The following L3MBTL4 variants were observed in gnomAD, a reference collection of about 807,000 sequenced individuals.
L3MBTL4 encodes L3MBTL histone methyl-lysine binding protein 4.
Under a neutral mutation model 84.5 loss-of-function variants are expected in L3MBTL4, and 70 were observed. The ratio of observed to expected loss-of-function variants is 0.83; its 90% CI spans 0.68 to 1.01. The LOEUF is 1.01. Ranked by LOEUF, L3MBTL4 falls within the 50% of genes least tolerant of loss-of-function variation. The pLI, the probability that L3MBTL4 is intolerant of heterozygous loss-of-function variation, is 0.00. For missense variants in L3MBTL4, 715 were observed against 754.8 expected (o/e 0.95, Z 0.62); for synonymous variants, 274 against 259.8 (o/e 1.05, Z -0.52).
At chr18:6,262,981 G>T (rs187038880) in intron 5 of L3MBTL4, among the ~76,000 whole-genome samples, 1 of 152,204 alleles carries the variant, frequency 6.6e-6, no homozygotes, top group Admixed American at 6.5e-5. Flanking sequence ...GTTTCCTGCT[G>T]TAAAGAAATG....
At chr18:6,392,582 A>T (rs2055102280) in intron 1 of L3MBTL4, among the ~76,000 whole-genome samples, 1 of 152,144 alleles carries the variant, frequency 6.6e-6, no homozygotes, top group South Asian at 2.1e-4. Context: ...GGGAAAACTG[A>T]ATAGCCACAT....
chr18:6,045,632 A>G (rs67864751), intron 16 of L3MBTL4, among the ~76,000 whole-genome samples: 3,857 of 152,272 alleles, frequency 0.025, 58 homozygotes, highest in Middle Eastern at 0.065. Flanking sequence ...ACAGCATAGG[A>G]AAGACCTGCC....
intron 5 of L3MBTL4, among the ~76,000 whole-genome samples, chr18:6,248,851 G>C (rs890953384): frequency 2.6e-5 from 4 of 152,104 alleles, no homozygotes; most frequent in Non-Finnish European, 4.4e-5. Context: ...ATACTTGGAT[G>C]CAAGCCTTTT....
At chr18:6,241,493 C>T in intron 7 of L3MBTL4, 44 bp from the exon 8 acceptor site, 4 of 1,043,722 alleles carry the variant, frequency 3.8e-6, no homozygotes, top group Non-Finnish European at 5.9e-6. Flanking sequence ...AAGATGTAAT[C>T]ACATGCATAT....
chr18:6,098,354 C>G (rs938959507), intron 14 of L3MBTL4, among the ~76,000 whole-genome samples: 1 of 152,212 alleles, frequency 6.6e-6, no homozygotes. Context: ...TCCTTCCAGC[C>G]TCCAGCAACC....
intron 10 of L3MBTL4, among the ~76,000 whole-genome samples, chr18:6,228,633 T>A (rs2046873795): frequency 6.6e-6 from 1 of 152,110 alleles, no homozygotes; most frequent in South Asian, 2.1e-4. Context: ...AAATGTTACT[T>A]AAGATCATTA....
chr18:5,992,210 G>T lies in L3MBTL4; in HGVS notation c.1445-22648C>A, dbSNP rs521526. Among the ~76,000 whole-genome samples, 351 of 152,326 alleles carry T rather than the reference G, an allele frequency of 2.3e-3. 2 individuals carry two copies. The highest frequency in any genetic ancestry group is 7.2e-3 in the African/African-American group (300 of 41,580). On this transcript the variant is annotated intron_variant, in intron 16 of 18. Coordinates refer to ENST00000317931, the MANE Select transcript of L3MBTL4 (RefSeq NM_001330559.2). ...CAGGCTGACAATAGGGCATGATGAG[G>T]AGCCCCGGGAGGGGAGGTTTGAGCT... is the stretch of plus-strand genomic sequence containing the variant.
intron 13 of L3MBTL4, among the ~76,000 whole-genome samples, chr18:6,153,163 A>G (rs965488608): frequency 6.6e-6 from 1 of 152,194 alleles, no homozygotes; most frequent in African/African-American, 2.4e-5. Context: ...CAGGGAATGT[A>G]ATGTCTCCAG....
At chr18:6,195,778 C>A (rs140021445) in intron 12 of L3MBTL4, among the ~76,000 whole-genome samples, 1 of 152,176 alleles carries the variant, frequency 6.6e-6, no homozygotes, top group Non-Finnish European at 1.5e-5. Flanking sequence ...ATCTGATTGG[C>A]CTTATTGGTT....
intron 16 of L3MBTL4, among the ~76,000 whole-genome samples, chr18:6,008,322 G>A (rs1482013463): frequency 6.6e-6 from 1 of 152,172 alleles, no homozygotes; most frequent in Non-Finnish European, 1.5e-5. Context: ...AGAGGCACGT[G>A]ACAGCTCAAG....
At chr18:6,050,492 T>C (rs1438808031) in intron 16 of L3MBTL4, among the ~76,000 whole-genome samples, 3 of 152,220 alleles carry the variant, frequency 2.0e-5, no homozygotes, top group Non-Finnish European at 4.4e-5. Flanking sequence ...CAAAGTTCCA[T>C]AGTCTTTATA....
chr18:6,181,157 A>ATTTT (rs111379337), intron 12 of L3MBTL4, among the ~76,000 whole-genome samples: 10 of 143,602 alleles, frequency 7.0e-5, no homozygotes, highest in African/African-American at 2.5e-4. Flanking sequence ...GGTGAGGACA[A>ATTTT]TTTTTTTTTT....
chr18:6,337,214 G>A (rs952600825), intron 1 of L3MBTL4, among the ~76,000 whole-genome samples: 4 of 151,958 alleles, frequency 2.6e-5, no homozygotes, highest in Non-Finnish European at 5.9e-5. Flanking sequence ...CTAATGAATC[G>A]ACCTTTGAAG....
At chr18:6,320,317 A>C (rs1360279197) in intron 1 of L3MBTL4, among the ~76,000 whole-genome samples, 14 of 152,140 alleles carry the variant, frequency 9.2e-5, no homozygotes, top group Non-Finnish European at 1.5e-5. Flanking sequence ...GAAGAAATAA[A>C]GGGCATCCAC....
chr18:6,411,676 TG>T (rs2055970229), intron 1 of L3MBTL4, among the ~76,000 whole-genome samples: 1 of 152,132 alleles, frequency 6.6e-6, no homozygotes, highest in African/African-American at 2.4e-5. Flanking sequence ...ACCATAGCCA[TG>T]GAACTGTTCT....
intron 15 of L3MBTL4, among the ~76,000 whole-genome samples, chr18:6,092,920 C>T (rs1278520760): frequency 6.6e-6 from 1 of 152,210 alleles, no homozygotes; most frequent in Admixed American, 6.5e-5. Context: ...ATCTGAGGTA[C>T]ATTTGTATTA....
At chr18:6,239,334 C>G (rs1348108922) in intron 9 of L3MBTL4, among the ~76,000 whole-genome samples, 1 of 139,070 alleles carries the variant, frequency 7.2e-6, no homozygotes, top group South Asian at 2.3e-4. Flanking sequence ...GAGCGAGACT[C>G]CGTCTCAAAA....
intron 18 of L3MBTL4, among the ~76,000 whole-genome samples, chr18:5,957,715 G>A (rs1246823102): frequency 6.6e-6 from 1 of 151,958 alleles, no homozygotes; most frequent in Admixed American, 6.6e-5. Flanking sequence ...CAGCACTTTG[G>A]GAGGCCGAGG....
chr18:6,030,495 G>A (rs1186322128), intron 16 of L3MBTL4: 1 of 956,696 alleles, frequency 1.0e-6, no homozygotes, highest in Non-Finnish European at 1.2e-6. Flanking sequence ...TTTTAATGAA[G>A]AGACTCTTTT....
Sources: allele counts gnomAD v4.1 joint callset (sites outside exome capture counted in the v4.1 genomes callset), GRCh38; gene constraint gnomAD v4.1.1; transcripts MANE v1.5; gene names NCBI Gene and HGNC (gene_info 2026-07-23, HGNC 2026-07-21).